Variants in DPP10 observed in about 807,000 individuals in gnomAD.
The protein encoded by DPP10 is dipeptidyl peptidase like 10, also known as inactive dipeptidyl peptidase 10.
DPP10 carries 33 observed loss-of-function variants against 120.9 expected under a neutral mutation model. The ratio of observed to expected loss-of-function variants is 0.27; its 90% CI spans 0.21 to 0.37. DPP10 has a LOEUF of 0.37. Among genes scored for constraint, DPP10 ranks in the 10% least tolerant of loss-of-function variants. The pLI is 1.00. For synonymous variants in DPP10, 337 were observed against 326.1 expected (o/e 1.03, Z -0.36); for missense variants, 816 against 942.8 (o/e 0.87, Z 1.76).
At chr2:115,688,905 C>CA (rs1004280416) in intron 5 of DPP10, among the ~76,000 whole-genome samples, 43 of 152,198 alleles carry the variant, frequency 2.8e-4, no homozygotes, top group African/African-American at 9.9e-4. Flanking sequence ...AGTGTTATCT[C>CA]ACTTCAACTT....
intron 5 of DPP10, among the ~76,000 whole-genome samples, chr2:115,587,224 A>C (rs2082351030): frequency 6.7e-6 from 1 of 150,290 alleles, no homozygotes; most frequent in African/African-American, 2.5e-5. Flanking sequence ...CAGCTTCCCG[A>C]GTAGCTGGGA....
intron 1 of DPP10, among the ~76,000 whole-genome samples, chr2:114,900,655 C>G (rs1230145462): frequency 6.6e-6 from 1 of 152,086 alleles, no homozygotes; most frequent in East Asian, 1.9e-4. Context: ...TCCCTTCATC[C>G]TCTTCATGTT....
chr2:114,658,793 T>G (rs968174189), intron 1 of DPP10, among the ~76,000 whole-genome samples: 2 of 152,186 alleles, frequency 1.3e-5, no homozygotes, highest in Non-Finnish European at 2.9e-5. Context: ...TATTATATCT[T>G]CTGGAATGTG....
At chr2:114,465,758 T>G (rs1313591390) in intron 1 of DPP10, among the ~76,000 whole-genome samples, 7 of 152,228 alleles carry the variant, frequency 4.6e-5, no homozygotes, top group Non-Finnish European at 7.3e-5. Context: ...AGTGTGATAT[T>G]CTGATACATG....
At chr2:115,194,996 T>C (rs1573967862) in intron 1 of DPP10, among the ~76,000 whole-genome samples, 1 of 152,206 alleles carries the variant, frequency 6.6e-6, no homozygotes, top group Middle Eastern at 3.2e-3. Flanking sequence ...GCCTGTCAGA[T>C]AAACTTAAGC....
chr2:115,790,301 G>C (rs901236656), intron 17 of DPP10, among the ~76,000 whole-genome samples: 2 of 151,078 alleles, frequency 1.3e-5, no homozygotes, highest in Non-Finnish European at 3.0e-5. Context: ...GGATGGTCTC[G>C]ATCTCCTGAC....
At chr2:115,142,233 G>A (rs746626891) in intron 1 of DPP10, among the ~76,000 whole-genome samples, 1 of 152,046 alleles carries the variant, frequency 6.6e-6, no homozygotes, top group Non-Finnish European at 1.5e-5. Context: ...TATAATCCAG[G>A]GCTTTGCAAA....
intron 5 of DPP10, among the ~76,000 whole-genome samples, chr2:115,688,753 C>G: frequency 6.6e-6 from 1 of 152,084 alleles, no homozygotes; most frequent in African/African-American, 2.4e-5. Context: ...GCACTACAGT[C>G]TTTTGTTTGA....
chr2:115,039,576 A>G (rs1424556704), intron 1 of DPP10, among the ~76,000 whole-genome samples: 1 of 151,760 alleles, frequency 6.6e-6, no homozygotes, highest in Non-Finnish European at 1.5e-5. Context: ...TTGTGTGCAC[A>G]TTTTTTTCCC....
At chr2:115,589,080 G>C (rs556936237) in intron 5 of DPP10, among the ~76,000 whole-genome samples, 18 of 152,106 alleles carry the variant, frequency 1.2e-4, no homozygotes, top group African/African-American at 4.3e-4. Flanking sequence ...ACCAGTGTTC[G>C]TTTTATGCCT....
intron 3 of DPP10, among the ~76,000 whole-genome samples, chr2:115,410,741 A>G (rs1423545301): frequency 1.3e-5 from 2 of 152,224 alleles, no homozygotes; most frequent in African/African-American, 4.8e-5. Flanking sequence ...TGATGTGTGC[A>G]CCAAAATCTC....
intron 1 of DPP10, among the ~76,000 whole-genome samples, chr2:115,229,411 T>C (rs2057616902): frequency 6.6e-6 from 1 of 152,192 alleles, no homozygotes; most frequent in South Asian, 2.1e-4. Context: ...TTGCTTTCGT[T>C]GCGCATGCTT....
chr2:114,757,287 C>T (rs917281129), intron 1 of DPP10, among the ~76,000 whole-genome samples: 17 of 109,406 alleles, frequency 1.6e-4, no homozygotes, highest in African/African-American at 3.7e-4. Flanking sequence ...AGAATGGGGG[C>T]GAGAGAAAGG....
intron 3 of DPP10, among the ~76,000 whole-genome samples, chr2:115,413,396 A>G (rs1559565300): frequency 6.6e-6 from 1 of 152,304 alleles, no homozygotes; most frequent in East Asian, 1.9e-4. Flanking sequence ...GGAAGTGAAA[A>G]TCAAAGTCGG....
intron 1 of DPP10, among the ~76,000 whole-genome samples, chr2:114,775,631 A>G (rs1402714710): frequency 6.6e-6 from 1 of 152,170 alleles, no homozygotes; most frequent in Non-Finnish European, 1.5e-5. Context: ...TGCATTCTCT[A>G]AGCAATGTTA....
chr2:115,084,575 T>C (rs1415099166), intron 1 of DPP10, among the ~76,000 whole-genome samples: 3 of 152,202 alleles, frequency 2.0e-5, no homozygotes, highest in African/African-American at 7.2e-5. Context: ...CTGTAATAAT[T>C]CAGAAGCTGT....
intron 17 of DPP10, among the ~76,000 whole-genome samples, chr2:115,789,580 C>T (rs768631251): frequency 1.8e-4 from 27 of 152,168 alleles, no homozygotes; most frequent in Non-Finnish European, 3.7e-4. Flanking sequence ...TATTTGTTCT[C>T]ACTCCTTCTG....
intron 5 of DPP10, among the ~76,000 whole-genome samples, chr2:115,539,803 A>G (rs1319003859): frequency 1.4e-5 from 2 of 145,594 alleles, no homozygotes; most frequent in East Asian, 2.0e-4. Flanking sequence ...TAGTAGAAAC[A>G]GAAAACTTCA....
chr2:114,581,061 G>A (rs1690468730), intron 1 of DPP10, among the ~76,000 whole-genome samples: 1 of 151,344 alleles, frequency 6.6e-6, no homozygotes, highest in Non-Finnish European at 1.5e-5. Flanking sequence ...ATCTGATTCT[G>A]TAGGGTTTTG....
Sources: gnomAD v4.1 joint callset for allele counts (sites outside exome capture counted in the v4.1 genomes callset) on GRCh38, gnomAD v4.1.1 for gene constraint, MANE v1.5 for transcripts, NCBI Gene and HGNC (gene_info 2026-07-23, HGNC 2026-07-21) for gene names.